The following GPR146 variants were observed in gnomAD, a reference collection of about 807,000 sequenced individuals.
The protein encoded by GPR146 is G protein-coupled receptor 146.
For missense variants in GPR146, 381 were observed against 213.9 expected, an observed-to-expected ratio of 1.78 and a Z score of -4.87; for synonymous variants, 203 against 104.3, an observed-to-expected ratio of 1.95 and a Z score of -5.77.
At chr7:1,055,354 G>A (rs1246222062) in intron 1 of GPR146, 3 of 470,894 alleles carry the variant, frequency 6.4e-6, no homozygotes, top group East Asian at 6.9e-5. Context: ...AAGAGCCTGC[G>A]GGTTTGCAGA....
rs550863012 is a variant in GPR146 at position 1,050,564 on chromosome 7, C to T, written c.-25+5906C>T. The stretch of plus-strand genomic sequence containing the variant: ...CTCCGAGCGGATGCTCTGCAAGTGG[C>T]GTCCCTGCACCCTGGTGCAGGCGGA... On this transcript the variant is annotated intron_variant, in intron 1 of 1. Transcript: ENST00000444847. 5.3e-5 allele frequency among the ~76,000 whole-genome samples: 8 copies of T among 152,350 alleles called. No homozygotes were observed. In the South Asian group the frequency reaches 1.0e-3, roughly 20 times the overall value.
Position 1,059,179 on chromosome 7 carries a change from T to G in GPR146, c.*662T>G, listed in dbSNP as rs928833840. 2.4e-5 allele frequency: 4 copies of G among 167,904 alleles called. No homozygotes were observed. Among genetic ancestry groups the G allele is most frequent in the Admixed American group, 1.9e-4 (3 of 15,396 alleles). The allele number at this position is 167,904 out of a possible 1,614,324, so 10.4% of individuals were successfully genotyped here. ...CCCCCACAGATAACATCAGCTGAGG[T>G]TTTTTTCAGTATGAACCTGTCCTAA... On this transcript the variant is annotated 3_prime_UTR_variant, in exon 2 of 2. Transcript: ENST00000444847.
In GPR146 at chr7:1,057,494, T is replaced by C; in HGVS notation, c.-22T>C. On this transcript the variant is annotated splice_region_variant and 5_prime_UTR_variant, in exon 2 of 2. Coordinates refer to ENST00000444847, the MANE Select transcript of GPR146 (RefSeq NM_001303473.2). ...CCACCTGTTCCTTCTTTCCGCAGGG[T>C]CGCGGAGCCTCGCCGGCCGCCATGT... 1.3e-6 allele frequency: 1 copy of C among 748,092 alleles called. No homozygotes were observed. Among genetic ancestry groups the C allele is most frequent in the Non-Finnish European group, 2.5e-6 (1 of 405,226 alleles). The allele number at this position is 748,092 out of a possible 1,614,324, so 46.3% of individuals were successfully genotyped here.
At chr7:1,047,768 TC>T (rs1341233113) in intron 1 of GPR146, among the ~76,000 whole-genome samples, 1 of 152,214 alleles carries the variant, frequency 6.6e-6, no homozygotes, top group East Asian at 1.9e-4. Flanking sequence ...AATCTAAGGC[TC>T]TAAAGCTTCA....
chr7:1,045,964 A>G (rs948048312), intron 1 of GPR146: 4 of 152,268 alleles, frequency 2.6e-5, no homozygotes, highest in African/African-American at 9.6e-5. Context: ...TGTAAATGTG[A>G]AAGTTGACTT....
intron 1 of GPR146, chr7:1,055,261 G>C (rs1479754142): frequency 2.1e-6 from 1 of 471,192 alleles, no homozygotes; most frequent in South Asian, 1.5e-5. Flanking sequence ...CAGAGGCCCT[G>C]CGGGGAACTT....
intron 1 of GPR146, among the ~76,000 whole-genome samples, chr7:1,053,835 A>G (rs1197011307): frequency 1.3e-5 from 2 of 152,102 alleles, no homozygotes; most frequent in African/African-American, 4.8e-5. Flanking sequence ...TCAAAAAAAC[A>G]AAAACAAAAC....
intron 1 of GPR146, chr7:1,045,507 C>T (rs548576642): frequency 6.6e-6 from 1 of 152,362 alleles, no homozygotes; most frequent in East Asian, 1.9e-4. Flanking sequence ...GCTTTAAAGG[C>T]CTCTGCAAAC....
intron 1 of GPR146, among the ~76,000 whole-genome samples, chr7:1,053,678 T>C (rs1011271096): frequency 3.9e-5 from 6 of 152,060 alleles, no homozygotes; most frequent in African/African-American, 1.4e-4. Flanking sequence ...AAATACAAAA[T>C]TAGCTGGGTG....
At chr7:1,045,653 C>CA (rs556864873) in intron 1 of GPR146, 4 of 152,258 alleles carry the variant, frequency 2.6e-5, no homozygotes, top group South Asian at 2.1e-4. Context: ...AGTGCACACT[C>CA]ACAGTACCCA....
At position 1,058,716 on chromosome 7, in the gene GPR146, A is replaced by G; in HGVS notation, c.*199A>G. ...GTCCCCGTGGCTGGCATCTGGCTTG[A>G]GTCTCCCCGAGGCCTGTGCGTCTCC... On this transcript the variant is annotated 3_prime_UTR_variant, in exon 2 of 2. Coordinates refer to ENST00000444847, the MANE Select transcript of GPR146 (RefSeq NM_001303473.2). 1 of 597,924 alleles carries G rather than the reference A, an allele frequency of 1.7e-6. No individual in the cohort carries two copies. The highest frequency in any genetic ancestry group is 3.0e-6 in the Non-Finnish European group (1 of 328,130). 37.0% of individuals were successfully genotyped at this position (597,924 alleles called of 1,614,324 possible).
At chr7:1,055,943 G>A (rs1468665984) in intron 1 of GPR146, among the ~76,000 whole-genome samples, 1 of 152,220 alleles carries the variant, frequency 6.6e-6, no homozygotes, top group Non-Finnish European at 1.5e-5. Context: ...CTGCCACTCT[G>A]TGACAGCCAA....
intron 1 of GPR146, among the ~76,000 whole-genome samples, chr7:1,048,705 T>G (rs1483074066): frequency 1.3e-5 from 2 of 152,226 alleles, no homozygotes; most frequent in African/African-American, 4.8e-5. Flanking sequence ...AACGTCTCAC[T>G]TGAAATGCTC....
chr7:1,055,000 GGCGGCTGCATGGACCTGGACAC>G (rs1473738196), intron 1 of GPR146, among the ~76,000 whole-genome samples: 6 of 152,346 alleles, frequency 3.9e-5, no homozygotes, highest in Non-Finnish European at 5.9e-5. Flanking sequence ...GAACACCAGG[GGCGGCTGCATGGACCTGGACAC>G]GTGTCTGCCT....
At chr7:1,053,565 C>G (rs561446737) in intron 1 of GPR146, among the ~76,000 whole-genome samples, 1 of 152,344 alleles carries the variant, frequency 6.6e-6, no homozygotes, top group Admixed American at 6.5e-5. Context: ...TGGTGGCTCA[C>G]GTCTGTAATC....
chr7:1,050,455 C>T (rs1782996881), intron 1 of GPR146, among the ~76,000 whole-genome samples: 1 of 152,246 alleles, frequency 6.6e-6, no homozygotes, highest in African/African-American at 2.4e-5. Flanking sequence ...CCATCGGTCC[C>T]TGTGGCTTGG....
At position 1,045,297 on chromosome 7, in the gene GPR146, G is replaced by A. The variant is rs1044944780; in HGVS notation, c.-25+639G>A. 3.3e-5 allele frequency: 5 copies of A among 152,374 alleles called. No homozygotes were observed. The East Asian group carries it at 5.8e-4, about 18-fold the overall frequency. 9.4% of individuals were successfully genotyped at this position (152,374 alleles called of 1,614,324 possible). ...TGGCTTATCTCTGCATGCATGCTAC[G>A]TGGTGGACCAGAGGATAATTCTGTA... On this transcript the variant is annotated intron_variant, in intron 1 of 1. Coordinates refer to ENST00000444847, the MANE Select transcript of GPR146 (RefSeq NM_001303473.2).
At chr7:1,045,070 C>T (rs1881123) in intron 1 of GPR146, among the ~76,000 whole-genome samples, 16,266 of 152,266 alleles carry the variant, frequency 0.11, 1,157 homozygotes, top group Middle Eastern at 0.2. Flanking sequence ...ATGGAGGTGT[C>T]GGATCTGCTG....
At chr7:1,055,807 G>A (rs925044155) in intron 1 of GPR146, among the ~76,000 whole-genome samples, 8 of 152,132 alleles carry the variant, frequency 5.3e-5, no homozygotes, top group Admixed American at 3.9e-4. Context: ...CACAGACCCT[G>A]GACAGATCCG....
Sources: allele counts gnomAD v4.1 joint callset (sites outside exome capture counted in the v4.1 genomes callset), GRCh38; gene constraint gnomAD v4.1.1; transcripts MANE v1.5; gene names NCBI Gene and HGNC (gene_info 2026-07-23, HGNC 2026-07-21).